Variants in ANO1 observed in about 807,000 individuals in gnomAD.
ANO1 encodes anoctamin-1.
Under a neutral mutation model 124.0 loss-of-function variants are expected in ANO1, and 59 were observed. That is an observed-to-expected ratio of 0.48 (90% CI 0.39 to 0.59). ANO1 has a LOEUF of 0.59. Among genes scored for constraint, ANO1 ranks in the 20% least tolerant of loss-of-function variants. ANO1 has a pLI of 0.00. For synonymous variants in ANO1, 529 were observed against 532.0 expected (o/e 0.99, Z 0.08); for missense variants, 1,059 against 1,328.0 (o/e 0.80, Z 3.15).
rs542438862 is a variant in ANO1 at position 70,059,157 on chromosome 11, A to G, written c.59-19385A>G. Among the ~76,000 whole-genome samples, 3 of 151,836 alleles carry G rather than the reference A, an allele frequency of 2.0e-5. No individual in the cohort carries two copies. The South Asian group carries it at 6.3e-4, about 32-fold the overall frequency. On this transcript the variant is annotated intron_variant, in intron 1 of 27. Transcript: ENST00000531349. ...CAGTGAGCCGAGATTGTGCCACTGC[A>G]CTCCAACCTGAGCGACAGAGCCAGA... is the stretch of plus-strand genomic sequence containing the variant.
chr11:70,109,060 C>T (rs1190354351), intron 6 of ANO1, among the ~76,000 whole-genome samples: 1 of 152,234 alleles, frequency 6.6e-6, no homozygotes, highest in East Asian at 1.9e-4. Flanking sequence ...CAAAGGAATG[C>T]CATTTCCAGC....
intron 11 of ANO1, among the ~76,000 whole-genome samples, chr11:70,145,943 CAAAAAA>C (rs10589426): frequency 1.7e-4 from 19 of 108,658 alleles, no homozygotes; most frequent in African/African-American, 3.5e-4. Flanking sequence ...TCTCAAAAAA[CAAAAAA>C]AAAAAAAAAA....
intron 8 of ANO1, among the ~76,000 whole-genome samples, 183 bp from the exon 9 acceptor site, chr11:70,124,167 T>C (rs965740351): frequency 6.6e-6 from 1 of 152,120 alleles, no homozygotes; most frequent in African/African-American, 2.4e-5. Context: ...GAGCTCACAT[T>C]CCATAACCTG....
chr11:70,016,608 C>G (rs933769313), intron 1 of ANO1, among the ~76,000 whole-genome samples: 1 of 152,210 alleles, frequency 6.6e-6, no homozygotes, highest in African/African-American at 2.4e-5. Context: ...CGCTCTGCCA[C>G]CGTCAGGCTT....
At chr11:70,023,300 C>T (rs1339252743) in intron 1 of ANO1, among the ~76,000 whole-genome samples, 1 of 152,190 alleles carries the variant, frequency 6.6e-6, no homozygotes, top group African/African-American at 2.4e-5. Flanking sequence ...GCATTGACTC[C>T]ATTTAGCAGG....
chr11:70,024,552 A>G (rs922920321), intron 1 of ANO1, among the ~76,000 whole-genome samples: 1 of 152,094 alleles, frequency 6.6e-6, no homozygotes, highest in Non-Finnish European at 1.5e-5. Context: ...CACTGTGCCA[A>G]GGGCTCCCTG....
At chr11:70,178,214 A>G (rs978093689) in intron 22 of ANO1, among the ~76,000 whole-genome samples, 5 of 152,224 alleles carry the variant, frequency 3.3e-5, no homozygotes, top group African/African-American at 9.6e-5. Flanking sequence ...ACACCCAGCC[A>G]GGAGAAGCCG....
intron 1 of ANO1, among the ~76,000 whole-genome samples, chr11:70,085,054 C>A (rs1318672909): frequency 6.6e-6 from 1 of 152,060 alleles, no homozygotes; most frequent in Non-Finnish European, 1.5e-5. Flanking sequence ...TAAGGGGGGC[C>A]GCACCTTGGG....
chr11:69,994,827 C>T (rs1414082933), intron 1 of ANO1, among the ~76,000 whole-genome samples: 1 of 152,142 alleles, frequency 6.6e-6, no homozygotes, highest in Non-Finnish European at 1.5e-5. Context: ...GACTGCTTTT[C>T]ACAATCTCTT....
chr11:70,174,313 A>C (rs1406273086), intron 22 of ANO1, among the ~76,000 whole-genome samples: 2 of 150,780 alleles, frequency 1.3e-5, no homozygotes, highest in East Asian at 2.1e-4. Flanking sequence ...GGAGAATCGC[A>C]TGAACCCGGG....
chr11:69,972,095 G>A, the ANO1 span, among the ~76,000 whole-genome samples: 15 of 149,318 alleles, frequency 1.0e-4, no homozygotes, highest in Non-Finnish European at 1.3e-4. Flanking sequence ...AAAATTAGCC[G>A]GAAATCGCTT....
intron 1 of ANO1, among the ~76,000 whole-genome samples, chr11:70,040,698 C>A (rs563069187): frequency 5.3e-5 from 8 of 152,252 alleles, no homozygotes; most frequent in African/African-American, 1.9e-4. Flanking sequence ...TAAAATGTGA[C>A]TATTGGATGA....
chr11:70,104,890 C>T (rs2515254), intron 4 of ANO1, among the ~76,000 whole-genome samples: 76,527 of 151,914 alleles, frequency 0.5, 21,407 homozygotes, highest in African/African-American at 0.77. Context: ...CTCACAGGGG[C>T]CCTTGCTTAT....
intron 11 of ANO1, among the ~76,000 whole-genome samples, chr11:70,139,785 G>A (rs549733299): frequency 7.2e-5 from 11 of 152,356 alleles, no homozygotes; most frequent in Admixed American, 7.2e-4. Flanking sequence ...GCATTGCTGA[G>A]TTAAATGGTA....
chr11:70,142,421 T>A (rs1283666493), intron 11 of ANO1, among the ~76,000 whole-genome samples: 1 of 151,926 alleles, frequency 6.6e-6, no homozygotes, highest in Non-Finnish European at 1.5e-5. Flanking sequence ...GTTCCAGGGA[T>A]AAATAGGTAG....
intron 21 of ANO1, among the ~76,000 whole-genome samples, chr11:70,169,306 C>T (rs1349758295): frequency 1.3e-5 from 2 of 152,148 alleles, no homozygotes; most frequent in Admixed American, 6.5e-5. Flanking sequence ...CCCACACTGC[C>T]CCCACTGACC....
At chr11:70,143,192 C>T (rs2047222178) in intron 11 of ANO1, among the ~76,000 whole-genome samples, 1 of 152,134 alleles carries the variant, frequency 6.6e-6, no homozygotes, top group South Asian at 2.1e-4. Flanking sequence ...CCGTGAGGAG[C>T]ATGGATCTCA....
At chr11:69,987,656 T>A (rs1309230671) in intron 1 of ANO1, among the ~76,000 whole-genome samples, 3 of 149,064 alleles carry the variant, frequency 2.0e-5, no homozygotes, top group African/African-American at 5.0e-5. Context: ...CCAGGGTGTC[T>A]GAGTCCAGTT....
rs375656122 is a variant in ANO1, at chr11:70,165,369, G to T, written c.1951-101G>T. On this transcript the variant is annotated intron_variant, in intron 19 of 25. Coordinates refer to ENST00000355303, the MANE Select transcript of ANO1 (RefSeq NM_018043.7). ...AGAACCTGAGCGTCTTTTTTTGGAG[G>T]ACGCAGGTCAACCCACAGCATGAGG... 3.0e-5 allele frequency: 29 copies of T among 951,780 alleles called. No homozygotes were observed. In the African/African-American group the frequency reaches 4.3e-4, roughly 14 times the overall value. 59.0% of individuals were successfully genotyped at this position (951,780 alleles called of 1,614,324 possible). A position where few individuals can be genotyped will look rare whatever the true frequency, so the allele number is the denominator to read the frequency against.
Sources: gnomAD v4.1 joint callset for allele counts (sites outside exome capture counted in the v4.1 genomes callset) on GRCh38, gnomAD v4.1.1 for gene constraint, MANE v1.5 for transcripts, NCBI Gene and HGNC (gene_info 2026-07-23, HGNC 2026-07-21) for gene names.